Variants in INSR observed in about 807,000 individuals in gnomAD.
The protein encoded by INSR is insulin receptor.
INSR carries 67 observed loss-of-function variants against 142.6 expected under a neutral mutation model. The observed-to-expected ratio is 0.47, with a 90% CI of 0.39 to 0.58. The LOEUF (loss-of-function observed/expected upper bound fraction) is 0.58. Among genes scored for constraint, INSR ranks in the 20% least tolerant of loss-of-function variants. The pLI, the probability that INSR is intolerant of heterozygous loss-of-function variation, is 0.00. For synonymous variants in INSR, 756 were observed against 743.1 expected (o/e 1.02, Z -0.28); for missense variants, 1,248 against 1,833.2 (o/e 0.68, Z 5.83).
Position 7,141,795 on chromosome 19 carries a change from C to T in INSR, c.2564G>A (p.Gly855Asp), listed in dbSNP as rs201667363. 5.0e-6 allele frequency: 8 copies of T among 1,614,006 alleles called. No individual in the cohort carries two copies. In the East Asian group the frequency reaches 8.9e-5, roughly 18 times the overall value. Residue 855 changes from glycine to aspartate, a missense_variant, in exon 13 of 22, where the codon GGC becomes GAC. This residue lies in a region of INSR where 1,069 missense variants were observed against 1,654.0 expected (regional missense o/e 0.65). Transcript: ENST00000302850. ...MPEAKADDIV[G>D]PVTHEIFENN... ...CTCAAAGATTTCATGCGTCACAGGG[C>T]CAACAATGTCATCAGCCTTGGCTGT...
chr19:7,210,673 G>A (rs540845429), intron 2 of INSR, among the ~76,000 whole-genome samples: 4 of 152,126 alleles, frequency 2.6e-5, no homozygotes, highest in East Asian at 3.9e-4. Context: ...TGCCAAAACC[G>A]TCTTCAAGAT....
In INSR at chr19:7,152,692, C is replaced by T. The variant is rs3745548; in HGVS notation, c.2231+34G>A. 0.031 allele frequency: 48,908 copies of T among 1,571,264 alleles called. 7,858 individuals are homozygous for T. In the East Asian group the frequency reaches 0.51, roughly 16 times the overall value. On this transcript the variant is annotated intron_variant, in intron 10 of 21. Coordinates refer to ENST00000302850, the MANE Select transcript of INSR (RefSeq NM_000208.4). ...CTTCCACCAACACCAAGCCAATTGGCACCCACTAAGAGAGCCCAGCGCCAA... is the reference window on the plus strand; with the variant it reads ...CTTCCACCAACACCAAGCCAATTGGTACCCACTAAGAGAGCCCAGCGCCAA...
intron 1 of INSR, among the ~76,000 whole-genome samples, chr19:7,292,383 G>T (rs1968515898): frequency 6.6e-6 from 1 of 150,816 alleles, no homozygotes; most frequent in Non-Finnish European, 1.5e-5. Flanking sequence ...AGCCACCGCA[G>T]CTGGCCAGAT....
rs1242750840 is a variant in INSR, at chr19:7,114,863, C to A, written c.*2193G>T. On this transcript the variant is annotated 3_prime_UTR_variant, in exon 22 of 22. Coordinates refer to ENST00000302850, the MANE Select transcript of INSR (RefSeq NM_000208.4). ...AAATTGCAGCTAGTGTAGTATACAA[C>A]CACTACAAATTTACTAAGAAGAGAA... 2 of 151,478 alleles carry A rather than the reference C, an allele frequency of 1.3e-5. No individual in the cohort carries two copies. The highest frequency in any genetic ancestry group is 4.8e-5 in the African/African-American group (2 of 41,270). The allele number at this position is 151,478 out of a possible 1,614,324, so 9.4% of individuals were successfully genotyped here.
intron 17 of INSR, among the ~76,000 whole-genome samples, chr19:7,124,243 C>G (rs551762062): frequency 6.6e-6 from 1 of 151,766 alleles, no homozygotes; most frequent in East Asian, 2.0e-4. Context: ...GTGGCAGGCA[C>G]CTGCAGTCCC....
At chr19:7,131,468 T>A (rs2144829705) in intron 14 of INSR, among the ~76,000 whole-genome samples, 1 of 151,716 alleles carries the variant, frequency 6.6e-6, no homozygotes, top group Admixed American at 6.6e-5. Flanking sequence ...CTCAGCCTCC[T>A]GAGTAGCTGG....
At chr19:7,253,757 G>A (rs1976805270) in intron 2 of INSR, among the ~76,000 whole-genome samples, 1 of 152,048 alleles carries the variant, frequency 6.6e-6, no homozygotes, top group African/African-American at 2.4e-5. Flanking sequence ...GGCCGAGTGT[G>A]GTGGCTCACG....
In INSR at chr19:7,217,769, C is replaced by T. The variant is rs184098267; in HGVS notation, c.653-33132G>A. Among the ~76,000 whole-genome samples, 13 of 152,322 alleles carry T rather than the reference C, an allele frequency of 8.5e-5. No homozygotes were observed. The East Asian group carries it at 2.1e-3, about 25-fold the overall frequency. On this transcript the variant is annotated intron_variant, in intron 2 of 21. Transcript: ENST00000302850. ...AGAGACGGGGTTTCACCGTGTTAGC[C>T]AGGATGGTCTCGATCTCCTGACCTC...
chr19:7,228,509 G>A (rs137948368), intron 2 of INSR, among the ~76,000 whole-genome samples: 2 of 152,210 alleles, frequency 1.3e-5, no homozygotes, highest in Non-Finnish European at 2.9e-5. Context: ...AATGAGACTG[G>A]GCTGACCATA....
At chr19:7,200,433 A>G (rs1168286086) in intron 2 of INSR, among the ~76,000 whole-genome samples, 1 of 152,134 alleles carries the variant, frequency 6.6e-6, no homozygotes, top group African/African-American at 2.4e-5. Flanking sequence ...AGTTCAAGAT[A>G]TAGAGGCTGC....
chr19:7,144,638 A>G lies in INSR; in HGVS notation c.2268-1548T>C, dbSNP rs576087641. Among the ~76,000 whole-genome samples the G allele has an allele frequency of 2.0e-5, 3 of 151,550 alleles. No homozygotes were observed. In the East Asian group the frequency reaches 5.8e-4, roughly 29 times the overall value. ...AGGCTGGTCTCAAACTCCTGACCTC[A>G]GGTGATCTGCCCACCTCAGCCTCCC... On this transcript the variant is annotated intron_variant, in intron 11 of 21. Coordinates refer to ENST00000302850, the MANE Select transcript of INSR (RefSeq NM_000208.4).
intron 2 of INSR, among the ~76,000 whole-genome samples, chr19:7,219,357 CT>C (rs1285566351): frequency 6.6e-6 from 1 of 152,046 alleles, no homozygotes; most frequent in Non-Finnish European, 1.5e-5. Flanking sequence ...CTCTGCAGCT[CT>C]TTGGGCTTCA....
In INSR at chr19:7,176,274, G is replaced by A. The variant is rs111470694; in HGVS notation, c.975-1543C>T. Among the ~76,000 whole-genome samples, 1,020 of 152,262 alleles carry A rather than the reference G, an allele frequency of 6.7e-3. 5 individuals carry two copies. Among genetic ancestry groups the A allele is most frequent in the African/African-American group, 0.023 (970 of 41,546 alleles). On this transcript the variant is annotated intron_variant, in intron 3 of 21. Coordinates refer to ENST00000302850, the MANE Select transcript of INSR (RefSeq NM_000208.4). ...ACCATACCCCTTGGCAGTGTATAGT[G>A]AGTGAGTTCTCACGAGATCTGGTTG... is the stretch of plus-strand genomic sequence containing the variant.
intron 2 of INSR, among the ~76,000 whole-genome samples, chr19:7,236,401 T>C (rs1467433414): frequency 6.6e-6 from 1 of 152,214 alleles, no homozygotes; most frequent in Non-Finnish European, 1.5e-5. Context: ...GGTTTATGAA[T>C]AATAGCCAAA....
chr19:7,204,487 A>G (rs1255754732), intron 2 of INSR, among the ~76,000 whole-genome samples: 3 of 152,236 alleles, frequency 2.0e-5, no homozygotes, highest in East Asian at 3.9e-4. Flanking sequence ...CTGCTATTCT[A>G]TTAGAAAAAC....
At chr19:7,220,096 A>G (rs530532126) in intron 2 of INSR, among the ~76,000 whole-genome samples, 1 of 152,280 alleles carries the variant, frequency 6.6e-6, no homozygotes, top group East Asian at 1.9e-4. Flanking sequence ...GAATAAAGGA[A>G]GCTGGCTCTG....
chr19:7,270,590 A>T (rs1568231291), intron 1 of INSR, among the ~76,000 whole-genome samples: 1 of 151,940 alleles, frequency 6.6e-6, no homozygotes. Context: ...CAACTCTAAA[A>T]AATAATAATA....
At chr19:7,229,219 A>ATGGATG in intron 2 of INSR, among the ~76,000 whole-genome samples, 1 of 45,812 alleles carries the variant, frequency 2.2e-5, no homozygotes, top group African/African-American at 1.1e-4. Context: ...ATGGATGGAT[A>ATGGATG]ATAGATGGTG....
intron 19 of INSR, among the ~76,000 whole-genome samples, chr19:7,120,982 C>T (rs1972476887): frequency 6.6e-6 from 1 of 151,962 alleles, no homozygotes; most frequent in Non-Finnish European, 1.5e-5. Context: ...TACCAAATCA[C>T]AAAGAAGCTA....
Sources: allele counts gnomAD v4.1 joint callset (sites outside exome capture counted in the v4.1 genomes callset), GRCh38; gene constraint gnomAD v4.1.1; regional missense constraint gnomAD v4.1.1; transcripts MANE v1.5; gene names NCBI Gene and HGNC (gene_info 2026-07-23, HGNC 2026-07-21).